Variants in MREG observed in about 807,000 individuals in gnomAD.
MREG encodes melanoregulin.
Under a neutral mutation model 28.5 loss-of-function variants are expected in MREG, and 31 were observed. That is an observed-to-expected ratio of 1.09 (90% confidence interval 0.82 to 1.47). The LOEUF (loss-of-function observed/expected upper bound fraction) is 1.47. MREG is among the 40% of genes most tolerant of loss of function. The pLI, the probability that MREG is intolerant of heterozygous loss-of-function variation, is 0.00. For missense variants in MREG, 256 were observed against 257.4 expected (o/e 0.99, Z 0.04); for synonymous variants, 106 against 95.2 (o/e 1.11, Z -0.66).
intron 2 of MREG, among the ~76,000 whole-genome samples, chr2:215,949,261 A>T (rs1460830898): frequency 9.0e-6 from 1 of 110,818 alleles, no homozygotes; most frequent in African/African-American, 3.5e-5. Flanking sequence ...ACTTTGTCTT[A>T]AAAAAAAAAA....
intron 2 of MREG, among the ~76,000 whole-genome samples, chr2:215,949,065 ACTACTACTACTACTAC>A (rs1559173436): frequency 4.1e-4 from 58 of 142,276 alleles, no homozygotes; most frequent in African/African-American, 1.2e-3. Flanking sequence ...TACTACTACT[ACTACTACTACTACTAC>A]TACTACTAAT....
chr2:215,939,586 A>T (rs188267804), downstream of MREG: 1 of 152,354 alleles, frequency 6.6e-6, no homozygotes, highest in African/African-American at 2.4e-5. Flanking sequence ...GTAGGCAGAT[A>T]AAAAACAAAT....
intron 2 of MREG, among the ~76,000 whole-genome samples, chr2:215,981,917 C>T (rs1206473077): frequency 6.6e-6 from 1 of 152,228 alleles, no homozygotes; most frequent in Non-Finnish European, 1.5e-5. Context: ...CACCACCACA[C>T]ATCCTGCAGA....
At chr2:215,961,618 G>GTTGGCCATCAC in intron 2 of MREG, among the ~76,000 whole-genome samples, 1 of 151,972 alleles carries the variant, frequency 6.6e-6, no homozygotes, top group Non-Finnish European at 1.5e-5. Context: ...ATAGAGATGG[G>GTTGGCCATCAC]GTTTCATCAC....
chr2:215,998,235 G>A (rs748366443), intron 1 of MREG, among the ~76,000 whole-genome samples: 15 of 151,656 alleles, frequency 9.9e-5, no homozygotes, highest in Non-Finnish European at 1.6e-4. Context: ...AACCGGGGAG[G>A]CAGAGGTTGC....
intron 2 of MREG, among the ~76,000 whole-genome samples, chr2:215,976,549 C>T (rs150128154): frequency 1.2e-4 from 18 of 152,160 alleles, no homozygotes; most frequent in African/African-American, 3.1e-4. Flanking sequence ...AGGAAAGCAC[C>T]GAGTTATCAT....
chr2:215,949,473 A>C (rs1217050131), intron 2 of MREG, among the ~76,000 whole-genome samples: 1 of 151,450 alleles, frequency 6.6e-6, no homozygotes, highest in Non-Finnish European at 1.5e-5. Context: ...AGGCAGGAGA[A>C]TTGCTTGAAC....
chr2:215,952,348 C>T (rs966713659), intron 2 of MREG, among the ~76,000 whole-genome samples: 1 of 151,926 alleles, frequency 6.6e-6, no homozygotes, highest in Non-Finnish European at 1.5e-5. Context: ...TGAACGCGCA[C>T]ACACACACAC....
intron 1 of MREG, among the ~76,000 whole-genome samples, chr2:216,000,010 C>G (rs3770558): frequency 0.43 from 65,987 of 152,098 alleles, 14,560 homozygotes; most frequent in African/African-American, 0.5. Context: ...GCAGGACAAA[C>G]AGCAGGTGGA....
At chr2:216,012,374 C>A (rs1694337159) in intron 1 of MREG, among the ~76,000 whole-genome samples, 1 of 152,102 alleles carries the variant, frequency 6.6e-6, no homozygotes, top group South Asian at 2.1e-4. Flanking sequence ...GTAAATCATT[C>A]CTTAGAAAAA....
chr2:216,009,393 G>A lies in MREG; in HGVS notation c.95+3840C>T, dbSNP rs186471156. On this transcript the variant is annotated intron_variant, in intron 1 of 4. Coordinates refer to ENST00000263268, the MANE Select transcript of MREG (RefSeq NM_018000.3). ...GGGTTGGGTGCAGTGGCTCACACCT[G>A]TAATCCCAGCACTGAAAAAGTTCAA... is the stretch of plus-strand genomic sequence containing the variant. 9.9e-5 allele frequency among the ~76,000 whole-genome samples: 15 copies of A among 152,000 alleles called. No individual in the cohort carries two copies. In the East Asian group the frequency reaches 2.9e-3, roughly 29 times the overall value.
intron 2 of MREG, among the ~76,000 whole-genome samples, chr2:215,991,275 C>A (rs993778519): frequency 1.3e-5 from 2 of 152,122 alleles, no homozygotes; most frequent in African/African-American, 4.8e-5. Flanking sequence ...ACTGAACAAC[C>A]TGTTGTTTAA....
intron 2 of MREG, among the ~76,000 whole-genome samples, chr2:215,986,630 A>G (rs774887896): frequency 3.1e-4 from 47 of 152,222 alleles, no homozygotes; most frequent in Non-Finnish European, 6.3e-4. Flanking sequence ...AGGTGGAGAT[A>G]ACTGAATCAT....
chr2:215,972,328 G>A (rs1357133146), intron 2 of MREG, among the ~76,000 whole-genome samples: 1 of 152,154 alleles, frequency 6.6e-6, no homozygotes, highest in Non-Finnish European at 1.5e-5. Context: ...AAGAAAAGGA[G>A]GAATAAGAAG....
At chr2:215,975,990 G>A (rs1395900054) in intron 2 of MREG, among the ~76,000 whole-genome samples, 1 of 152,032 alleles carries the variant, frequency 6.6e-6, no homozygotes, top group African/African-American at 2.4e-5. Context: ...CGGGGGGCGT[G>A]GTATGGGGGA....
chr2:215,984,838 C>G (rs1303752190), intron 2 of MREG, among the ~76,000 whole-genome samples: 7 of 152,184 alleles, frequency 4.6e-5, no homozygotes, highest in African/African-American at 1.7e-4. Context: ...AGCTGTCATC[C>G]CACTGATATG....
At chr2:215,950,085 C>T (rs1692445975) in intron 2 of MREG, among the ~76,000 whole-genome samples, 1 of 152,172 alleles carries the variant, frequency 6.6e-6, no homozygotes, top group Admixed American at 6.5e-5. Flanking sequence ...TGATTAGAGA[C>T]CCACTCAATC....
chr2:215,952,390 T>A (rs1171213400), intron 2 of MREG, among the ~76,000 whole-genome samples: 1 of 152,178 alleles, frequency 6.6e-6, no homozygotes, highest in Non-Finnish European at 1.5e-5. Flanking sequence ...TTAATTTGAC[T>A]GCGGCAATCA....
At chr2:216,022,255 AAATAAT>A (rs746577329) in intron 1 of MREG, among the ~76,000 whole-genome samples, 19 of 152,218 alleles carry the variant, frequency 1.2e-4, no homozygotes, top group South Asian at 8.3e-4. Flanking sequence ...CTGTCTCAAA[AAATAAT>A]AATAATAACA....
Sources: gnomAD v4.1 joint callset for allele counts (sites outside exome capture counted in the v4.1 genomes callset) on GRCh38, gnomAD v4.1.1 for gene constraint, MANE v1.5 for transcripts, NCBI Gene and HGNC (gene_info 2026-07-23, HGNC 2026-07-21) for gene names.